Variants in CHD7 observed in about 807,000 individuals in gnomAD.
CHD7 encodes ATP-dependent chromatin remodeler CHD7.
Under a neutral mutation model 307.3 loss-of-function variants are expected in CHD7, and 24 were observed. That is an observed-to-expected ratio of 0.08 (90% CI 0.06 to 0.11). The LOEUF is 0.11. Ranked by LOEUF, CHD7 falls within the 10% of genes least tolerant of loss-of-function variation. CHD7 has a pLI of 1.00. For synonymous variants in CHD7, 1,363 were observed against 1,349.9 expected, an observed-to-expected ratio of 1.01 and a Z score of -0.21; for missense variants, 3,106 against 3,727.1, an observed-to-expected ratio of 0.83 and a Z score of 4.34.
chr8:60,850,221 C>T (rs1805391004), intron 25 of CHD7, among the ~76,000 whole-genome samples: 1 of 152,168 alleles, frequency 6.6e-6, no homozygotes, highest in Admixed American at 6.5e-5. Flanking sequence ...AGAAATCCTC[C>T]CAGGCATCTT....
chr8:60,862,693 C>T (rs1239978687), intron 37 of CHD7, 41 bp downstream of exon 37: 1 of 1,354,832 alleles, frequency 7.4e-7, no homozygotes, highest in South Asian at 1.3e-5. Context: ...GGTAGCTATA[C>T]AAAACTGTTT....
chr8:60,854,589 A>G (rs1805621302), intron 32 of CHD7, 66 bp downstream of exon 32: 1 of 1,373,762 alleles, frequency 7.3e-7, no homozygotes, highest in African/African-American at 1.4e-5. Flanking sequence ...AAATCTTTCT[A>G]GCTTGATTTT....
intron 1 of CHD7, among the ~76,000 whole-genome samples, chr8:60,727,369 C>T (rs978470157): frequency 6.6e-6 from 1 of 152,044 alleles, no homozygotes; most frequent in Non-Finnish European, 1.5e-5. Context: ...CTCAAGTGAT[C>T]CCCCCCACCT....
intron 14 of CHD7, among the ~76,000 whole-genome samples, chr8:60,829,453 T>C (rs1804399763): frequency 1.3e-5 from 2 of 151,834 alleles, no homozygotes; most frequent in African/African-American, 4.8e-5. Flanking sequence ...ATACAAAAAT[T>C]AGCCGGGCGT....
chr8:60,852,267 C>A lies in CHD7; in HGVS notation c.5894+20C>A. 6.3e-7 allele frequency: 1 copy of A among 1,599,460 alleles called. No individual in the cohort carries two copies. The highest frequency in any genetic ancestry group is 1.1e-5 in the South Asian group (1 of 90,170). ...GCAAAAGTGAGTTTCTTCAAGGTTT[C>A]CACTCAGCTCCCGGTACATGCCCCT... On this transcript the variant is annotated intron_variant, in intron 29 of 37. Transcript: ENST00000423902.
intron 15 of CHD7, among the ~76,000 whole-genome samples, chr8:60,835,819 C>T (rs543138435): frequency 1.3e-5 from 2 of 152,316 alleles, no homozygotes; most frequent in African/African-American, 4.8e-5. Flanking sequence ...TTACAGACAG[C>T]AAACATTTGT....
At chr8:60,745,272 C>T (rs1342075162) in intron 2 of CHD7, among the ~76,000 whole-genome samples, 4 of 152,144 alleles carry the variant, frequency 2.6e-5, no homozygotes, top group Admixed American at 1.3e-4. Flanking sequence ...CTTCTCATTC[C>T]GACATCCTCT....
chr8:60,865,631 A>G lies in CHD7; in HGVS notation c.8692A>G (p.Met2898Val), dbSNP rs755028719. 2.8e-5 allele frequency: 45 copies of G among 1,612,628 alleles called. No individual in the cohort carries two copies. The highest frequency in any genetic ancestry group is 1.6e-4 in the African/African-American group (12 of 74,854). ...CTTCAACCCTTTCCTCCTGTCCACAATGGCCCCGGGCCTCTTCTACCCATC... is the reference window on the plus strand; with the variant it reads ...CTTCAACCCTTTCCTCCTGTCCACAGTGGCCCCGGGCCTCTTCTACCCATC... The part of the protein sequence containing the change: ...LAFNPFLLST[M>V]APGLFYPSMF... Residue 2898 changes from methionine (M) to valine (V), a missense_variant, in exon 38 of 38, where the codon ATG becomes GTG. Transcript: ENST00000423902. The surrounding 1 kb of genome is among the most constrained non-coding windows in gnomAD (Gnocchi z 4.3).
intron 31 of CHD7, among the ~76,000 whole-genome samples, chr8:60,854,148 C>T (rs1020713537): frequency 6.6e-6 from 1 of 152,180 alleles, no homozygotes; most frequent in Admixed American, 6.5e-5. Flanking sequence ...CCTCTCTAAG[C>T]CTCTGTGTCA....
intron 1 of CHD7, among the ~76,000 whole-genome samples, chr8:60,717,140 C>T (rs111445830): frequency 1.7e-3 from 251 of 150,778 alleles, no homozygotes; most frequent in African/African-American, 5.7e-3. Context: ...ACTGGTGATA[C>T]GTACTTTGAT....
chr8:60,698,020 A>G (rs893464353), intron 1 of CHD7, among the ~76,000 whole-genome samples: 1 of 152,246 alleles, frequency 6.6e-6, no homozygotes, highest in Non-Finnish European at 1.5e-5. Context: ...ACCATAAAAC[A>G]GTGTCACCAA....
intron 1 of CHD7, among the ~76,000 whole-genome samples, chr8:60,703,150 C>A (rs1297435944): frequency 1.3e-5 from 2 of 152,158 alleles, no homozygotes; most frequent in African/African-American, 4.8e-5. Flanking sequence ...TTCTCCTCCT[C>A]CTTCCTTTTT....
intron 2 of CHD7, among the ~76,000 whole-genome samples, chr8:60,746,995 G>C (rs1315358597): frequency 6.6e-6 from 1 of 152,232 alleles, no homozygotes; most frequent in Admixed American, 6.5e-5. Context: ...TCCAAAGAGT[G>C]TGTGTTAGCT....
At chr8:60,775,140 G>A (rs566788618) in intron 2 of CHD7, among the ~76,000 whole-genome samples, 2 of 152,076 alleles carry the variant, frequency 1.3e-5, no homozygotes, top group South Asian at 4.2e-4. Flanking sequence ...AAGCAGAAAG[G>A]CAAAGGTTCA....
intron 1 of CHD7, among the ~76,000 whole-genome samples, chr8:60,726,461 T>C (rs1480583456): frequency 6.6e-6 from 1 of 152,228 alleles, no homozygotes; most frequent in African/African-American, 2.4e-5. Context: ...AAAAGAATGC[T>C]TTCGAAATTA....
intron 4 of CHD7, 32 bp downstream of exon 4, chr8:60,795,159 G>A: frequency 6.2e-7 from 1 of 1,604,268 alleles, no homozygotes; most frequent in Non-Finnish European, 8.5e-7. Flanking sequence ...CCGAGCCTTG[G>A]TTATTTGGCA....
At chr8:60,784,130 G>A (rs935633499) in intron 3 of CHD7, among the ~76,000 whole-genome samples, 1 of 152,166 alleles carries the variant, frequency 6.6e-6, no homozygotes, top group Admixed American at 6.5e-5. Flanking sequence ...TAGCATAGTA[G>A]AATAATTATG....
intron 1 of CHD7, among the ~76,000 whole-genome samples, chr8:60,701,560 T>C (rs978998817): frequency 2.0e-5 from 3 of 152,370 alleles, no homozygotes; most frequent in African/African-American, 7.2e-5. Flanking sequence ...ATTACTTTAT[T>C]GTATCATAGT....
intron 1 of CHD7, 24 bp downstream of exon 1, chr8:60,679,106 GC>G: frequency 6.4e-6 from 1 of 157,386 alleles, no homozygotes; most frequent in Non-Finnish European, 1.4e-5. Context: ...TTCGCCCGGC[GC>G]CCCCGGGAGG....
Sources: gnomAD v4.1 joint callset for allele counts (sites outside exome capture counted in the v4.1 genomes callset) on GRCh38, gnomAD v4.1.1 for gene constraint, Gnocchi (gnomAD v3.1) non-coding constraint, MANE v1.5 for transcripts, NCBI Gene and HGNC (gene_info 2026-07-23, HGNC 2026-07-21) for gene names.